The following ROR1 variants were observed in gnomAD, a reference collection of about 807,000 sequenced individuals.
The protein encoded by ROR1 is ROR family WNT receptor 1.
A neutral mutation model predicts 78.8 loss-of-function variants in ROR1; 19 were observed. The ratio of observed to expected loss-of-function variants is 0.24; its 90% CI spans 0.17 to 0.35. The LOEUF (loss-of-function observed/expected upper bound fraction) is 0.35. ROR1 is among the 10% of genes least tolerant of loss of function. The pLI, the probability that ROR1 is intolerant of heterozygous loss-of-function variation, is 1.00. For synonymous variants in ROR1, 386 were observed against 433.6 expected (o/e 0.89, Z 1.36); for missense variants, 917 against 1,177.8 (o/e 0.78, Z 3.24).
intron 1 of ROR1, among the ~76,000 whole-genome samples, chr1:63,841,079 A>G (rs1283939335): frequency 2.0e-5 from 3 of 152,190 alleles, no homozygotes; most frequent in African/African-American, 7.2e-5. Context: ...TGGTTATAAT[A>G]CTGGCCACCA....
intron 1 of ROR1, among the ~76,000 whole-genome samples, chr1:63,928,465 A>C (rs1252356764): frequency 6.6e-6 from 1 of 152,220 alleles, no homozygotes; most frequent in East Asian, 1.9e-4. Context: ...AGTGCCTCCT[A>C]TGCAGACGCA....
Position 64,073,845 on chromosome 1 carries a change from T to C in ROR1, c.482+23129T>C, listed in dbSNP as rs538536056. ...CAATGTGTGGGAAAGGAAAAAAAAA[T>C]CCCCTGTGGCATTAAAATGCTGTGT... On this transcript the variant is annotated intron_variant, in intron 4 of 8. Transcript: ENST00000371079. 4.6e-5 allele frequency among the ~76,000 whole-genome samples: 7 copies of C among 152,016 alleles called. No individual in the cohort carries two copies. In the East Asian group the frequency reaches 1.4e-3, roughly 29 times the overall value.
At chr1:64,139,449 T>C (rs908205462) in intron 5 of ROR1, among the ~76,000 whole-genome samples, 4 of 152,156 alleles carry the variant, frequency 2.6e-5, no homozygotes, top group African/African-American at 9.7e-5. Context: ...TCCTTGTCAA[T>C]AGCGGTATTC....
chr1:64,069,162 G>A (rs1646981114), intron 4 of ROR1, among the ~76,000 whole-genome samples: 1 of 151,164 alleles, frequency 6.6e-6, no homozygotes, highest in African/African-American at 2.4e-5. Context: ...TTAACTGGTG[G>A]CGGGGGGAAC....
intron 1 of ROR1, among the ~76,000 whole-genome samples, chr1:63,820,159 T>G (rs1312262181): frequency 6.6e-6 from 1 of 152,204 alleles, no homozygotes; most frequent in African/African-American, 2.4e-5. Context: ...GAAGCTCAAG[T>G]TGGCAAGAAC....
rs138255287 is a variant in ROR1, at chr1:63,856,693, C to T, written c.91+82185C>T. 2.2e-3 allele frequency among the ~76,000 whole-genome samples: 334 copies of T among 152,288 alleles called. 2 individuals carry two copies. Among genetic ancestry groups the T allele is most frequent in the African/African-American group, 7.8e-3 (323 of 41,562 alleles). On this transcript the variant is annotated intron_variant, in intron 1 of 8. Coordinates refer to ENST00000371079, the MANE Select transcript of ROR1 (RefSeq NM_005012.4). Reference sequence around the variant, plus strand: ...AGTAAGCTGGAGGACTCGTAGGATTCGTTTCATTTGCCTTCCTTCTTCCAG... The same window carrying T: ...AGTAAGCTGGAGGACTCGTAGGATTTGTTTCATTTGCCTTCCTTCTTCCAG...
intron 1 of ROR1, among the ~76,000 whole-genome samples, chr1:63,921,343 A>G (rs1569913271): frequency 1.3e-5 from 2 of 152,258 alleles, no homozygotes; most frequent in South Asian, 4.1e-4. Flanking sequence ...TAACAAGCTC[A>G]TGGGGGTGGC....
intron 1 of ROR1, among the ~76,000 whole-genome samples, chr1:63,802,161 A>G (rs953678317): frequency 5.3e-5 from 8 of 152,216 alleles, no homozygotes; most frequent in African/African-American, 1.9e-4. Context: ...TAAATTCTGT[A>G]AAGTACACAA....
At chr1:63,840,296 T>G (rs975500337) in intron 1 of ROR1, among the ~76,000 whole-genome samples, 2 of 151,472 alleles carry the variant, frequency 1.3e-5, no homozygotes, top group African/African-American at 4.9e-5. Flanking sequence ...TTTTTTTTTT[T>G]GAGATGGAGT....
intron 1 of ROR1, among the ~76,000 whole-genome samples, chr1:63,782,557 GTT>G (rs34238826): frequency 1.3e-5 from 1 of 76,774 alleles, no homozygotes; most frequent in Non-Finnish European, 2.6e-5. Flanking sequence ...TTTTTTTTTT[GTT>G]TTTTTTTTTG....
At chr1:64,063,485 A>G (rs1037861491) in intron 4 of ROR1, among the ~76,000 whole-genome samples, 6 of 152,184 alleles carry the variant, frequency 3.9e-5, no homozygotes, top group Admixed American at 3.9e-4. Context: ...TGGAATGTGC[A>G]GGTTTCTTCC....
At chr1:64,081,986 C>G (rs1647106487) in intron 4 of ROR1, among the ~76,000 whole-genome samples, 1 of 151,964 alleles carries the variant, frequency 6.6e-6, no homozygotes, top group East Asian at 1.9e-4. Flanking sequence ...AATTCTTTTC[C>G]CTTTAAAAGC....
intron 1 of ROR1, among the ~76,000 whole-genome samples, chr1:63,780,669 GGA>G (rs368831298): frequency 4.3e-4 from 65 of 152,282 alleles, no homozygotes; most frequent in African/African-American, 1.4e-3. Flanking sequence ...TGTTTTATAG[GGA>G]GCATGCAGAT....
chr1:63,796,235 A>G (rs931254859), intron 1 of ROR1, among the ~76,000 whole-genome samples: 1 of 152,148 alleles, frequency 6.6e-6, no homozygotes, highest in Non-Finnish European at 1.5e-5. Context: ...ACTTGAGTTT[A>G]TCTCCTAGCC....
intron 1 of ROR1, among the ~76,000 whole-genome samples, chr1:63,882,484 GA>G (rs1645329833): frequency 1.3e-5 from 2 of 152,126 alleles, no homozygotes. Flanking sequence ...ACAATGTTTG[GA>G]AGTTTTGTGA....
At chr1:63,939,946 A>G (rs770361662) in intron 1 of ROR1, among the ~76,000 whole-genome samples, 16 of 152,160 alleles carry the variant, frequency 1.1e-4, no homozygotes, top group Admixed American at 5.2e-4. Flanking sequence ...TTCTACACTC[A>G]TTTTCTTGTG....
intron 4 of ROR1, among the ~76,000 whole-genome samples, chr1:64,094,107 A>G (rs963322540): frequency 1.4e-4 from 21 of 152,192 alleles, no homozygotes; most frequent in Non-Finnish European, 2.6e-4. Flanking sequence ...TCTTAACATA[A>G]GTTTGACTCA....
At chr1:64,158,866 G>A in intron 7 of ROR1, 115 bp from the exon 8 acceptor site, 1 of 723,068 alleles carries the variant, frequency 1.4e-6, no homozygotes, top group Admixed American at 2.5e-5. Flanking sequence ...TTCTCACAGT[G>A]GATTTGTGTG....
intron 1 of ROR1, among the ~76,000 whole-genome samples, chr1:63,978,783 A>G (rs959376317): frequency 3.9e-5 from 6 of 152,218 alleles, no homozygotes; most frequent in African/African-American, 1.4e-4. Flanking sequence ...AAGGTTCTCC[A>G]GAGAAACAGA....
Sources: allele counts gnomAD v4.1 joint callset (sites outside exome capture counted in the v4.1 genomes callset), GRCh38; gene constraint gnomAD v4.1.1; transcripts MANE v1.5; gene names NCBI Gene and HGNC (gene_info 2026-07-23, HGNC 2026-07-21).